RSBN1: variants seen among roughly 807,000 people sequenced by gnomAD.
RSBN1 encodes lysine-specific demethylase 9.
In RSBN1, 23 loss-of-function variants were observed where a neutral mutation model predicts 74.8. The observed-to-expected ratio is 0.31, with a 90% confidence interval of 0.22 to 0.44. RSBN1 has a LOEUF of 0.44. RSBN1 is among the 20% of genes least tolerant of loss of function. The pLI, the probability that RSBN1 is intolerant of heterozygous loss-of-function variation, is 1.00. For missense variants in RSBN1, 808 were observed against 1,020.9 expected (o/e 0.79, Z 2.84); for synonymous variants, 407 against 379.6 (o/e 1.07, Z -0.84).
intron 2 of RSBN1, among the ~76,000 whole-genome samples, chr1:113,793,944 GATGTGAGACACC>G (rs985657298): frequency 4.6e-5 from 7 of 152,160 alleles, no homozygotes; most frequent in Non-Finnish European, 7.4e-5. Context: ...TGGGATTACA[GATGTGAGACACC>G]ATGCCCAGCC....
chr1:113,785,027 TGACTCTTGTAATAA>T (rs1409946716), intron 2 of RSBN1, among the ~76,000 whole-genome samples: 2 of 120,980 alleles, frequency 1.7e-5, no homozygotes, highest in Non-Finnish European at 3.6e-5. Context: ...TTTAATTCTT[TGACTCTTGTAATAA>T]CACATAGTTT....
chr1:113,786,547 A>G (rs1262890392), intron 2 of RSBN1, among the ~76,000 whole-genome samples: 6 of 152,216 alleles, frequency 3.9e-5, no homozygotes, highest in Admixed American at 3.9e-4. Context: ...GGGGTAATAT[A>G]CTTTGAAGAT....
chr1:113,762,718 T>C lies in RSBN1; in HGVS notation c.*3262A>G, dbSNP rs1366715640. Reference sequence around the variant, plus strand: ...CTTGTTCCTATATTAGCTTTCATTCTAGACAATTAATATTTATATAGGGAA... The same window carrying C: ...CTTGTTCCTATATTAGCTTTCATTCCAGACAATTAATATTTATATAGGGAA... On this transcript the variant is annotated 3_prime_UTR_variant, in exon 7 of 7. Coordinates refer to ENST00000261441, the MANE Select transcript of RSBN1 (RefSeq NM_018364.5). 5 of 152,904 alleles carry C rather than the reference T, an allele frequency of 3.3e-5. No homozygotes were observed. The highest frequency in any genetic ancestry group is 3.4e-3 in the Middle Eastern group (1 of 294). 9.5% of individuals were successfully genotyped at this position (152,904 alleles called of 1,614,324 possible). A position where few individuals can be genotyped will look rare whatever the true frequency, so the allele number is the denominator to read the frequency against.
intron 2 of RSBN1, chr1:113,796,157 A>G (rs1036584660): frequency 5.3e-5 from 8 of 152,174 alleles, no homozygotes; most frequent in African/African-American, 2.4e-5. Context: ...AAAAAAGAAA[A>G]TCTACTACAA....
At chr1:113,803,141 T>C (rs1019116174) in intron 1 of RSBN1, among the ~76,000 whole-genome samples, 1 of 152,240 alleles carries the variant, frequency 6.6e-6, no homozygotes, top group Non-Finnish European at 1.5e-5. Flanking sequence ...CTTGGTAATA[T>C]GCATTTAAGG....
In RSBN1 at chr1:113,812,007, C is replaced by A. The variant is rs1223112540; in HGVS notation, c.406G>T (p.Gly136Cys). The A allele has an allele frequency of 6.5e-7, 1 of 1,548,798 alleles. No individual in the cohort carries two copies. Residue 136 changes from glycine (G) to cysteine (C), a missense_variant, in exon 1 of 7, where the codon GGC (glycine) becomes TGC (cysteine). This residue lies in a region of RSBN1 where 464 missense variants were observed against 401.0 expected (regional missense o/e 1.16). Coordinates refer to ENST00000261441, the MANE Select transcript of RSBN1 (RefSeq NM_018364.5). The stretch of plus-strand genomic sequence containing the variant: ...GGCAGGAGAAGAGGCTCAACAGGGC[C>A]TGGGACAGTTGGGGCTGCATTCGTT... ...PPTNAAPTVP[G>C]PVEPLLLPPP...
At chr1:113,778,246 G>C (rs1660067486) in intron 2 of RSBN1, among the ~76,000 whole-genome samples, 1 of 150,906 alleles carries the variant, frequency 6.6e-6, no homozygotes, top group South Asian at 2.1e-4. Flanking sequence ...CTTTAGCCCA[G>C]ATACCAGGAT....
At chr1:113,806,631 T>C (rs1435442013) in intron 1 of RSBN1, among the ~76,000 whole-genome samples, 7 of 151,302 alleles carry the variant, frequency 4.6e-5, no homozygotes, top group Non-Finnish European at 8.8e-5. Context: ...ACATGATCCA[T>C]TAAAGAAAAA....
chr1:113,797,284 G>A, intron 2 of RSBN1, 79 bp downstream of exon 2: 1 of 1,108,054 alleles, frequency 9.0e-7, no homozygotes, highest in East Asian at 2.5e-5. Context: ...AAATGTGCTG[G>A]TATGTGCTGT....
At chr1:113,801,319 C>T (rs1660580620) in intron 1 of RSBN1, among the ~76,000 whole-genome samples, 1 of 152,130 alleles carries the variant, frequency 6.6e-6, no homozygotes, top group African/African-American at 2.4e-5. Flanking sequence ...GGGTAAGATA[C>T]AGAAAGCTTG....
rs772761990 is a variant in RSBN1, at chr1:113,762,464, G to C, written c.*3516C>G. 1 of 152,412 alleles carries C rather than the reference G, an allele frequency of 6.6e-6. No homozygotes were observed. The highest frequency in any genetic ancestry group is 1.9e-4 in the East Asian group (1 of 5,342). The allele number at this position is 152,412 out of a possible 1,614,324, so 9.4% of individuals were successfully genotyped here. A position where few individuals can be genotyped will look rare whatever the true frequency, so the allele number is the denominator to read the frequency against. The stretch of plus-strand genomic sequence containing the variant: ...TTGCATGGCCAATAAATACAGCTAC[G>C]ACCTGTTTGAAAAACAAAACAGATG... On this transcript the variant is annotated 3_prime_UTR_variant, in exon 7 of 7. Transcript: ENST00000261441.
In RSBN1 at chr1:113,770,930, G is replaced by A. The variant is rs943596901; in HGVS notation, c.1659-2541C>T. On this transcript the variant is annotated intron_variant, in intron 4 of 6. Transcript: ENST00000261441. ...ATTCAACCAATAGTAGTTTCAGAAA[G>A]AAATAAGAGAAAATGAAGAAGAAAT... 2.0e-5 allele frequency among the ~76,000 whole-genome samples: 3 copies of A among 151,998 alleles called. No homozygotes were observed. In the South Asian group the frequency reaches 6.2e-4, roughly 32 times the overall value.
Position 113,812,303 on chromosome 1 carries a change from G to T in RSBN1, c.110C>A (p.Ala37Glu), listed in dbSNP as rs762938060. The T allele has an allele frequency of 6.2e-7, 1 of 1,603,778 alleles. No homozygotes were observed. The highest frequency in any genetic ancestry group is 8.5e-7 in the Non-Finnish European group (1 of 1,179,654). ...AAACACACATTTAAATGGCCCGACC[G>T]CCCCCCCGTCCGCGCATCGCGCAAG... ...AALARCADGG[A>E]VGPFKCVFVG... Residue 37 changes from alanine (A) to glutamate (E), a missense_variant, in exon 1 of 7, where the codon GCG becomes GAG. Physicochemically the swap from Ala to Glu is moderately radical, Grantham distance 107. Around this residue, in one of 6 missense-constraint regions of RSBN1, gnomAD observed 464 missense variants for 401.0 expected, o/e 1.16. Transcript: ENST00000261441.
At position 113,777,622 on chromosome 1, in the gene RSBN1, GC is replaced by G. The variant is rs750959656; in HGVS notation, c.1515+48del. On this transcript the variant is annotated intron_variant, in intron 3 of 6. Coordinates refer to ENST00000261441, the MANE Select transcript of RSBN1 (RefSeq NM_018364.5). ...CTAAATACTCTTCAACATATAAAGT[GC>G]CCACTTAAGTAAAGATCAAAACTTT... 22 of 1,530,974 alleles carry G rather than the reference GC, an allele frequency of 1.4e-5. No individual in the cohort carries two copies. The South Asian group carries it at 2.2e-4, about 15-fold the overall frequency. The allele number at this position is 1,530,974 out of a possible 1,614,324, so 94.8% of individuals were successfully genotyped here.
intron 2 of RSBN1, 147 bp downstream of exon 2, chr1:113,797,216 A>T: frequency 1.5e-6 from 1 of 675,758 alleles, no homozygotes; most frequent in East Asian, 2.7e-5. Context: ...AAGATTTTTC[A>T]ATTAGAGGAA....
At chr1:113,782,204 C>T (rs951945367) in intron 2 of RSBN1, among the ~76,000 whole-genome samples, 4 of 152,148 alleles carry the variant, frequency 2.6e-5, no homozygotes, top group Non-Finnish European at 5.9e-5. Context: ...TTTACAACTC[C>T]TATATTTCCT....
chr1:113,812,207 T>C lies in RSBN1; in HGVS notation c.206A>G (p.Asp69Gly), dbSNP rs1660881619. Residue 69 changes from aspartate to glycine, a missense_variant, in exon 1 of 7, where the codon GAC (aspartate) becomes GGC (glycine). Physicochemically the swap from Asp to Gly is moderately conservative, Grantham distance 94 (BLOSUM62 -1). Coordinates refer to ENST00000261441, the MANE Select transcript of RSBN1 (RefSeq NM_018364.5). The stretch of plus-strand genomic sequence containing the variant: ...ATGAGGTTTCTCCTTCCCCTCTTTG[T>C]CCGGCTCCTCCTGCGCCGCCACCGC... ...VRAVAAQEEP[D>G]KEGKEKPHAG... 6.2e-7 allele frequency: 1 copy of C among 1,607,828 alleles called. No individual in the cohort carries two copies. The highest frequency in any genetic ancestry group is 2.2e-5 in the East Asian group (1 of 44,814).
intron 4 of RSBN1, among the ~76,000 whole-genome samples, chr1:113,769,076 C>A (rs953087728): frequency 6.6e-6 from 1 of 152,102 alleles, no homozygotes; most frequent in African/African-American, 2.4e-5. Flanking sequence ...TAAAGACCCC[C>A]ACAGAAAAAC....
Position 113,777,478 on chromosome 1 carries a change from T to C in RSBN1, c.1516-126A>G, listed in dbSNP as rs559281103. On this transcript the variant is annotated intron_variant, in intron 3 of 6. Transcript: ENST00000261441. ...TGTATATAAAGAAATAAATGCTATT[T>C]ACATAGTAATTTATATTAAAAAGAA... 2.1e-5 allele frequency: 20 copies of C among 958,770 alleles called. No individual in the cohort carries two copies. The East Asian group carries it at 4.9e-4, about 23-fold the overall frequency. The allele number at this position is 958,770 out of a possible 1,614,324, so 59.4% of individuals were successfully genotyped here.
Sources: gnomAD v4.1 joint callset for allele counts (sites outside exome capture counted in the v4.1 genomes callset) on GRCh38, gnomAD v4.1.1 for gene constraint, gnomAD v4.1.1 regional missense constraint, MANE v1.5 for transcripts, NCBI Gene and HGNC (gene_info 2026-07-23, HGNC 2026-07-21) for gene names.